The following PCDHGA1 variants were observed in gnomAD, a reference collection of about 807,000 sequenced individuals.
PCDHGA1 encodes protocadherin gamma-A1.
In PCDHGA1, 32 loss-of-function variants were observed where a neutral mutation model predicts 58.0. That is an observed-to-expected ratio of 0.55 (90% CI 0.42 to 0.74). PCDHGA1 has a LOEUF of 0.74. Among genes scored for constraint, PCDHGA1 ranks in the 30% least tolerant of loss-of-function variants. The pLI is 0.00. For missense variants in PCDHGA1, 1,205 were observed against 1,182.3 expected (o/e 1.02, Z -0.28); for synonymous variants, 498 against 501.1 (o/e 0.99, Z 0.08).
intron 1 of PCDHGA1, chr5:141,361,238 T>C: frequency 1.2e-6 from 2 of 1,613,980 alleles, no homozygotes; most frequent in South Asian, 2.2e-5. Context: ...GTGATCGCCT[T>C]GATAAAAACG....
In PCDHGA1 at chr5:141,418,905, T is replaced by C. The variant is rs144920415; in HGVS notation, c.2422-75902T>C. The C allele has an allele frequency of 5.0e-6, 8 of 1,613,944 alleles. No homozygotes were observed. The East Asian group carries it at 1.8e-4, about 36-fold the overall frequency. ...AACGACAACAGCCCAGAAATAATCA[T>C]CACGTCACTCTCTGATCAGATTATG... On this transcript the variant is annotated intron_variant, in intron 1 of 3. Coordinates refer to ENST00000517417, the MANE Select transcript of PCDHGA1 (RefSeq NM_018912.3).
intron 1 of PCDHGA1, chr5:141,428,021 C>T: frequency 1.2e-6 from 2 of 1,605,604 alleles, no homozygotes; most frequent in Non-Finnish European, 1.7e-6. Context: ...TGCCACGCGC[C>T]GCAGAGTCCG....
chr5:141,339,462 A>G (rs755925827), intron 1 of PCDHGA1: 1 of 1,614,220 alleles, frequency 6.2e-7, no homozygotes, highest in Non-Finnish European at 8.5e-7. Context: ...GACGTAGGTG[A>G]GAACGCCCTT....
intron 1 of PCDHGA1, chr5:141,371,616 G>A: frequency 6.2e-7 from 1 of 1,614,012 alleles, no homozygotes; most frequent in Non-Finnish European, 8.5e-7. Flanking sequence ...GGTGACAGAT[G>A]GAGCCCTGGA....
At chr5:141,363,080 T>C (rs553480697) in intron 1 of PCDHGA1, among the ~76,000 whole-genome samples, 1 of 152,380 alleles carries the variant, frequency 6.6e-6, no homozygotes, top group African/African-American at 2.4e-5. Context: ...GAATCACAAA[T>C]GTATTTCTAA....
intron 1 of PCDHGA1, among the ~76,000 whole-genome samples, chr5:141,457,674 A>G (rs577008886): frequency 2.9e-4 from 44 of 152,256 alleles, no homozygotes; most frequent in South Asian, 2.1e-4. Flanking sequence ...GGTTATTTCT[A>G]CATAGGACTT....
At chr5:141,408,784 A>G (rs777838376) in intron 1 of PCDHGA1, 2 of 1,612,506 alleles carry the variant, frequency 1.2e-6, no homozygotes, top group Admixed American at 1.7e-5. Context: ...ACCCAGAGTT[A>G]TCTCTGGAGA....
chr5:141,415,045 G>T, intron 1 of PCDHGA1: 1 of 1,613,538 alleles, frequency 6.2e-7, no homozygotes, highest in East Asian at 2.2e-5. Context: ...CTTCGCGGTG[G>T]GGGAGCACAC....
intron 1 of PCDHGA1, among the ~76,000 whole-genome samples, chr5:141,484,760 A>G (rs1472178052): frequency 2.0e-5 from 3 of 151,880 alleles, no homozygotes; most frequent in South Asian, 2.1e-4. Flanking sequence ...GTATATATAT[A>G]TATATGTTGT....
At chr5:141,398,228 G>A (rs2150736860) in intron 1 of PCDHGA1, 1 of 1,475,144 alleles carries the variant, frequency 6.8e-7, no homozygotes, top group East Asian at 2.5e-5. Flanking sequence ...GAGCAGATCC[G>A]CTACAGGATT....
chr5:141,384,334 C>T, intron 1 of PCDHGA1: 1 of 1,613,846 alleles, frequency 6.2e-7, no homozygotes. Flanking sequence ...TGCACAGGAC[C>T]ACGACAGTGA....
At chr5:141,463,417 G>A (rs548514637) in intron 1 of PCDHGA1, among the ~76,000 whole-genome samples, 1 of 146,650 alleles carries the variant, frequency 6.8e-6, no homozygotes, top group South Asian at 2.2e-4. Context: ...ATCCTAGTTT[G>A]CGGATCCTCA....
At chr5:141,499,606 C>T (rs2099792968) in intron 2 of PCDHGA1, among the ~76,000 whole-genome samples, 1 of 152,028 alleles carries the variant, frequency 6.6e-6, no homozygotes, top group African/African-American at 2.4e-5. Context: ...TATCCCTACC[C>T]TTATCCTGTC....
At chr5:141,382,912 C>A (rs771685139) in intron 1 of PCDHGA1, 1 of 1,552,238 alleles carries the variant, frequency 6.4e-7, no homozygotes. Flanking sequence ...GGCGGCTCAG[C>A]CGAGGGGCGG....
At chr5:141,469,807 T>C (rs1294838215) in intron 1 of PCDHGA1, among the ~76,000 whole-genome samples, 1 of 152,070 alleles carries the variant, frequency 6.6e-6, no homozygotes, top group African/African-American at 2.4e-5. Context: ...AAAAACATTG[T>C]AGATAGAATG....
chr5:141,345,126 G>T (rs1757523003), intron 1 of PCDHGA1: 1 of 1,614,002 alleles, frequency 6.2e-7, no homozygotes, highest in South Asian at 1.1e-5. Context: ...CGTTGGAAGA[G>T]AAATTGCTCT....
At chr5:141,382,174 T>C (rs565518933) in intron 1 of PCDHGA1, among the ~76,000 whole-genome samples, 1 of 152,302 alleles carries the variant, frequency 6.6e-6, no homozygotes, top group African/African-American at 2.4e-5. Context: ...TTAGACCGTC[T>C]CTAAGGTTCT....
chr5:141,424,127 A>T (rs901831932), intron 1 of PCDHGA1: 1 of 486,538 alleles, frequency 2.1e-6, no homozygotes, highest in African/African-American at 2.1e-5. Flanking sequence ...GATCCTGTTG[A>T]TTTAATAGCA....
At chr5:141,433,246 T>C (rs775015156) in intron 1 of PCDHGA1, 1 of 1,462,358 alleles carries the variant, frequency 6.8e-7, no homozygotes, top group Non-Finnish European at 9.3e-7. Flanking sequence ...CAAGCTGGAA[T>C]GCAGCGGTAC....
Sources: allele counts gnomAD v4.1 joint callset (sites outside exome capture counted in the v4.1 genomes callset), GRCh38; gene constraint gnomAD v4.1.1; transcripts MANE v1.5; gene names NCBI Gene and HGNC (gene_info 2026-07-23, HGNC 2026-07-21).